OR4F15: variants seen among roughly 807,000 people sequenced by gnomAD.
OR4F15 encodes olfactory receptor 4F15.
OR4F15 carries 7 observed loss-of-function variants against 11.9 expected under a neutral mutation model. The observed-to-expected ratio is 0.59, with a 90% confidence interval of 0.33 to 1.10. OR4F15 has a LOEUF of 1.10. Ranked by LOEUF, OR4F15 falls within the 50% of genes least tolerant of loss-of-function variation. The pLI is 0.03. For synonymous variants in OR4F15, 151 were observed against 134.6 expected, an observed-to-expected ratio of 1.12 and a Z score of -0.84; for missense variants, 445 against 377.5, an observed-to-expected ratio of 1.18 and a Z score of -1.48.
rs773929916 is a variant in OR4F15 at position 101,818,144 on chromosome 15, C to T, written c.-37-6C>T. On this transcript the variant is annotated splice_region_variant and splice_polypyrimidine_tract_variant and intron_variant, in intron 1 of 1. Coordinates refer to ENST00000332238, the MANE Select transcript of OR4F15 (RefSeq NM_001001674.2). The stretch of plus-strand genomic sequence containing the variant: ...TAATTCTTTCTCATTTTCTTTCTTC[C>T]TTCAGGTAAGTAACATGAAAACTGA... 2 of 1,270,614 alleles carry T rather than the reference C, an allele frequency of 1.6e-6. No homozygotes were observed. The highest frequency in any genetic ancestry group is 2.8e-5 in the South Asian group (2 of 71,550). The allele number at this position is 1,270,614 out of a possible 1,614,324, so 78.7% of individuals were successfully genotyped here. A position where few individuals can be genotyped will look rare whatever the true frequency, so the allele number is the denominator to read the frequency against.
At chr15:101,815,350 T>C (rs1173202152) in intron 1 of OR4F15, among the ~76,000 whole-genome samples, 1 of 152,194 alleles carries the variant, frequency 6.6e-6, no homozygotes, top group African/African-American at 2.4e-5. Flanking sequence ...GCATTGTTTT[T>C]GAGTTGCTTT....
Position 101,818,873 on chromosome 15 carries a change from T to G in OR4F15, c.687T>G (p.Ser229=). ...TTCTGTTCACTGTTTGGAAACATTC[T>G]TCTGGTGGTCTAGCCAAGGCCCTCT... ...IFILFTVWKH[S]SGGLAKALST... Residue 229 remains serine, a synonymous_variant, in exon 2 of 2, where the codon TCT becomes TCG. Transcript: ENST00000332238. 1 of 1,614,188 alleles carries G rather than the reference T, an allele frequency of 6.2e-7. No individual in the cohort carries two copies. Among genetic ancestry groups the G allele is most frequent in the African/African-American group, 1.3e-5 (1 of 75,052 alleles).
Position 101,818,905 on chromosome 15 carries a change from T to C in OR4F15, c.719T>C (p.Leu240Pro). The C allele has an allele frequency of 1.2e-6, 2 of 1,614,164 alleles. No homozygotes were observed. The highest frequency in any genetic ancestry group is 1.7e-6 in the Non-Finnish European group (2 of 1,179,996). Residue 240 changes from leucine (L) to proline (P), a missense_variant, in exon 2 of 2, where the codon CTG becomes CCG. Transcript: ENST00000332238. Reference sequence around the variant, plus strand: ...GGTCTAGCCAAGGCCCTCTCTACCCTGTCAGCTCATGTCACTGTGGTCATC... The same window carrying C: ...GGTCTAGCCAAGGCCCTCTCTACCCCGTCAGCTCATGTCACTGTGGTCATC... ...SGGLAKALST[L>P]SAHVTVVILF...
Position 101,819,288 on chromosome 15 carries a change from A to T in OR4F15, c.*163A>T. Reference sequence around the variant, plus strand: ...TCACCATTAAATTAGAAGTGATGTTATCCTTTGGCACAGTGTGCATCAAAG... The same window carrying T: ...TCACCATTAAATTAGAAGTGATGTTTTCCTTTGGCACAGTGTGCATCAAAG... On this transcript the variant is annotated 3_prime_UTR_variant, in exon 2 of 2. Coordinates refer to ENST00000332238, the MANE Select transcript of OR4F15 (RefSeq NM_001001674.2). The T allele has an allele frequency of 3.4e-6, 2 of 595,502 alleles. No individual in the cohort carries two copies. Among genetic ancestry groups the T allele is most frequent in the African/African-American group, 1.9e-5 (1 of 53,938 alleles). The allele number at this position is 595,502 out of a possible 1,614,324, so 36.9% of individuals were successfully genotyped here.
At chr15:101,818,114 C>T in intron 1 of OR4F15, 36 bp from the exon 2 acceptor site, 2 of 954,262 alleles carry the variant, frequency 2.1e-6, no homozygotes, top group Non-Finnish European at 3.2e-6. Flanking sequence ...GAATACTTGC[C>T]TAGGTAATTC....
At chr15:101,817,338 C>T (rs1903006602) in intron 1 of OR4F15, among the ~76,000 whole-genome samples, 1 of 152,166 alleles carries the variant, frequency 6.6e-6, no homozygotes, top group South Asian at 2.1e-4. Context: ...ACTCTCTTGA[C>T]TCCAGTGTCA....
At position 101,819,311 on chromosome 15, in the gene OR4F15, A is replaced by C; in HGVS notation, c.*186A>C. The C allele has an allele frequency of 3.6e-6, 2 of 552,680 alleles. No individual in the cohort carries two copies. Among genetic ancestry groups the C allele is most frequent in the Non-Finnish European group, 6.4e-6 (2 of 314,572 alleles). The allele number at this position is 552,680 out of a possible 1,614,324, so 34.2% of individuals were successfully genotyped here. ...TTATCCTTTGGCACAGTGTGCATCA[A>C]AGTGCTAAATATTAAATCTTAATGT... On this transcript the variant is annotated 3_prime_UTR_variant, in exon 2 of 2. Coordinates refer to ENST00000332238, the MANE Select transcript of OR4F15 (RefSeq NM_001001674.2).
Position 101,818,457 on chromosome 15 carries a change from G to A in OR4F15, c.271G>A (p.Ala91Thr), listed in dbSNP as rs778316754. The change falls in exon 2 of 2, where the codon GCC becomes ACC. Residue 91 changes from alanine (A) to threonine (T), a missense_variant. Coordinates refer to ENST00000332238, the MANE Select transcript of OR4F15 (RefSeq NM_001001674.2). Reference sequence around the variant, plus strand: ...TTGTGATATTTTCAAGAAGCACAAGGCCATCTCCTTTCGGGGATGTATTAC... The same window carrying A: ...TTGTGATATTTTCAAGAAGCACAAGACCATCTCCTTTCGGGGATGTATTAC... ...MICDIFKKHK[A>T]ISFRGCITQI... 1.2e-6 allele frequency: 2 copies of A among 1,614,098 alleles called. No homozygotes were observed. Among genetic ancestry groups the A allele is most frequent in the Non-Finnish European group, 1.7e-6 (2 of 1,180,000 alleles).
chr15:101,818,653 C>T lies in OR4F15; in HGVS notation c.467C>T (p.Ser156Leu), dbSNP rs1903045430. ...ATSSIIGLIH[S>L]LVQLVFVVDL... ...TCCTCTATCATTGGCCTTATCCACT[C>T]ATTGGTCCAATTAGTTTTTGTGGTA... The change falls in exon 2 of 2, where the codon TCA becomes TTA. Residue 156 changes from serine to leucine, a missense_variant. Ser to Leu is a moderately radical substitution (Grantham distance 145, BLOSUM62 -2). Coordinates refer to ENST00000332238, the MANE Select transcript of OR4F15 (RefSeq NM_001001674.2). 6.2e-7 allele frequency: 1 copy of T among 1,613,876 alleles called. No homozygotes were observed. Among genetic ancestry groups the T allele is most frequent in the Non-Finnish European group, 8.5e-7 (1 of 1,179,748 alleles).
chr15:101,819,098 T>C lies in OR4F15; in HGVS notation c.912T>C (p.Arg304=), dbSNP rs1903057812. 1 of 1,608,004 alleles carries C rather than the reference T, an allele frequency of 6.2e-7. No individual in the cohort carries two copies. Among genetic ancestry groups the C allele is most frequent in the Non-Finnish European group, 8.5e-7 (1 of 1,176,070 alleles). ...MKVAMRRLCS[R]LAHFTKIL is the part of the protein sequence containing the mutation. ...TGGCAATGAGGAGACTGTGCAGTCGTCTTGCGCATTTTACAAAGATTTTGT... is the reference window on the plus strand; with the variant it reads ...TGGCAATGAGGAGACTGTGCAGTCGCCTTGCGCATTTTACAAAGATTTTGT... The change falls in exon 2 of 2, where the codon CGT becomes CGC. Residue 304 remains arginine, a synonymous_variant. Transcript: ENST00000332238.
chr15:101,815,308 T>A (rs1902969764), intron 1 of OR4F15, among the ~76,000 whole-genome samples: 1 of 152,258 alleles, frequency 6.6e-6, no homozygotes, highest in Admixed American at 6.5e-5. Context: ...ACTTGTCGAA[T>A]GAATGAGTGA....
chr15:101,814,133 T>G (rs1178938028), intron 1 of OR4F15, among the ~76,000 whole-genome samples: 2 of 152,240 alleles, frequency 1.3e-5, no homozygotes, highest in Non-Finnish European at 2.9e-5. Context: ...CCATTTGCTC[T>G]TTGTATTATT....
intron 1 of OR4F15, among the ~76,000 whole-genome samples, chr15:101,814,119 G>A (rs528120087): frequency 6.6e-6 from 1 of 152,304 alleles, no homozygotes; most frequent in South Asian, 2.1e-4. Flanking sequence ...TTTTAGATCT[G>A]CTGCCATTTG....
intron 1 of OR4F15, among the ~76,000 whole-genome samples, chr15:101,812,812 A>AG (rs1380920773): frequency 2.6e-5 from 4 of 152,312 alleles, no homozygotes; most frequent in African/African-American, 9.6e-5. Flanking sequence ...TGAAGAATGG[A>AG]GGAAAAAAAA....
rs777636066 is a variant in OR4F15, at chr15:101,818,774, G to C, written c.588G>C (p.Glu196Asp). The change falls in exon 2 of 2, where the codon GAG becomes GAC. Residue 196 changes from glutamate (E) to aspartate (D), a missense_variant. Glu to Asp is a conservative substitution (Grantham distance 45). Transcript: ENST00000332238. ...RLACTNTQEL[E>D]FMVTVNSGLI... ...CCTGTACCAACACCCAAGAACTGGAGTTCATGGTCACTGTCAATAGTGGAC... is the reference window on the plus strand; with the variant it reads ...CCTGTACCAACACCCAAGAACTGGACTTCATGGTCACTGTCAATAGTGGAC... 9.9e-6 allele frequency: 16 copies of C among 1,614,082 alleles called. 1 individual carries two copies. The South Asian group carries it at 1.8e-4, about 18-fold the overall frequency.
At position 101,819,021 on chromosome 15, in the gene OR4F15, A is replaced by T. The variant is rs762489346; in HGVS notation, c.835A>T (p.Thr279Ser). 4.3e-6 allele frequency: 7 copies of T among 1,613,872 alleles called. No homozygotes were observed. Among genetic ancestry groups the T allele is most frequent in the Non-Finnish European group, 5.9e-6 (7 of 1,179,876 alleles). The part of the protein sequence containing the change: ...KYLAIFDAFI[T>S]PFLNPVIYTF... ...TCTTGCTATTTTTGATGCATTTATT[A>T]CTCCTTTTCTGAATCCAGTTATCTA... Residue 279 changes from threonine to serine, a missense_variant, in exon 2 of 2, where the codon ACT (threonine) becomes TCT (serine). Physicochemically the swap from Thr to Ser is moderately conservative, Grantham distance 58. Transcript: ENST00000332238.
In OR4F15 at chr15:101,818,396, T is replaced by C. The variant is rs1370538689; in HGVS notation, c.210T>C (p.Asp70=). ...TCCTGGCTAACCTCTCAATCATTGA[T>C]ATGGCATTTTGCTCAATTACAGCCC... The part of the protein sequence containing the change: ...YFLLANLSII[D]MAFCSITAPK... Residue 70 remains aspartate (D), a synonymous_variant, in exon 2 of 2, where the codon GAT becomes GAC. Transcript: ENST00000332238. 2 of 1,614,162 alleles carry C rather than the reference T, an allele frequency of 1.2e-6. No individual in the cohort carries two copies. The highest frequency in any genetic ancestry group is 2.2e-5 in the East Asian group (1 of 44,886).
intron 1 of OR4F15, among the ~76,000 whole-genome samples, chr15:101,813,826 C>T (rs999416269): frequency 2.6e-5 from 4 of 152,194 alleles, no homozygotes; most frequent in Admixed American, 2.6e-4. Flanking sequence ...GTATTTGTCA[C>T]ACTATCACAA....
In OR4F15 at chr15:101,818,416, CA is replaced by C; in HGVS notation, c.231del (p.Ala78ProfsTer4). On this transcript the variant is annotated frameshift_variant, in exon 2 of 2. Coordinates refer to ENST00000332238, the MANE Select transcript of OR4F15 (RefSeq NM_001001674.2). LOFTEE classifies it high-confidence loss of function. ...ATTGATATGGCATTTTGCTCAATTA[CA>C]GCCCCTAAGATGATTTGTGATATTT... Reference protein sequence around the residue: ...SIIDMAFCSITAPKMICDIFK... With the variant: ...SIIDMAFCSIXAPKMICDIFK... The C allele has an allele frequency of 2.5e-6, 4 of 1,614,034 alleles. No individual in the cohort carries two copies. The highest frequency in any genetic ancestry group is 2.5e-6 in the Non-Finnish European group (3 of 1,179,918).
Sources: gnomAD v4.1 joint callset for allele counts (sites outside exome capture counted in the v4.1 genomes callset) on GRCh38, gnomAD v4.1.1 for gene constraint, MANE v1.5 for transcripts, NCBI Gene and HGNC (gene_info 2026-07-23, HGNC 2026-07-21) for gene names.